Variants in TCF3 observed in about 807,000 individuals in gnomAD.
The protein encoded by TCF3 is transcription factor 3.
Under a neutral mutation model 72.3 loss-of-function variants are expected in TCF3, and 54 were observed. The observed-to-expected ratio is 0.75, with a 90% CI of 0.60 to 0.94. The LOEUF (loss-of-function observed/expected upper bound fraction) is 0.94. Among genes scored for constraint, TCF3 ranks in the 40% least tolerant of loss-of-function variants. The pLI is 0.00. For synonymous variants in TCF3, 525 were observed against 412.6 expected, an observed-to-expected ratio of 1.27 and a Z score of -3.30; for missense variants, 1,078 against 934.4, an observed-to-expected ratio of 1.15 and a Z score of -2.00.
At chr19:1,636,420 C>T (rs566771265) in intron 3 of TCF3, among the ~76,000 whole-genome samples, 3 of 152,268 alleles carry the variant, frequency 2.0e-5, no homozygotes, top group African/African-American at 7.2e-5. Context: ...CTCAGACTCC[C>T]AAAGTGCTGG....
chr19:1,615,365 T>C lies in TCF3; in HGVS notation c.1742A>G (p.Asn581Ser). The C allele has an allele frequency of 6.2e-7, 1 of 1,613,952 alleles. No individual in the cohort carries two copies. ...ELGRMCQLHL[N>S]SEKPQTKLLI... ...CAGTTTGGTCTGGGGCTTCTCGCTG[T>C]TGAGGTGCAGTTGGCACATGCGCCC... The change falls in exon 18 of 19, where the codon AAC (asparagine) becomes AGC (serine). Residue 581 changes from asparagine to serine, a missense_variant. Physicochemically the swap from Asn to Ser is conservative, Grantham distance 46 (BLOSUM62 1). Transcript: ENST00000262965. The surrounding 1 kb of genome is among the most constrained non-coding windows in gnomAD (Gnocchi z 7.3).
At chr19:1,637,290 G>A (rs531997392) in intron 3 of TCF3, among the ~76,000 whole-genome samples, 13 of 142,642 alleles carry the variant, frequency 9.1e-5, no homozygotes, top group African/African-American at 3.5e-4. Context: ...ACCAGAACCG[G>A]GGATGCCTGG....
chr19:1,639,751 G>GAAAA (rs10674333), intron 3 of TCF3, among the ~76,000 whole-genome samples: 5 of 54,180 alleles, frequency 9.2e-5, no homozygotes, highest in East Asian at 1.1e-3. Context: ...AGGAAATTAG[G>GAAAA]AAAAAAAAAA....
At position 1,616,070 on chromosome 19, in the gene TCF3, G is replaced by A. The variant is rs182832340; in HGVS notation, c.1451-249C>T. 5.3e-4 allele frequency among the ~76,000 whole-genome samples: 80 copies of A among 152,344 alleles called. No homozygotes were observed. The East Asian group carries it at 0.012, about 23-fold the overall frequency. Reference sequence around the variant, plus strand: ...TACCACCTTTGGAACAAAGTGTGTAGAAATTCTGCAGCAACTCAATGGCAG... The same window carrying A: ...TACCACCTTTGGAACAAAGTGTGTAAAAATTCTGCAGCAACTCAATGGCAG... On this transcript the variant is annotated intron_variant, in intron 16 of 18. Coordinates refer to ENST00000262965, the MANE Select transcript of TCF3 (RefSeq NM_003200.5).
At chr19:1,648,309 C>T (rs1050737040) in intron 2 of TCF3, among the ~76,000 whole-genome samples, 4 of 152,192 alleles carry the variant, frequency 2.6e-5, no homozygotes, top group East Asian at 3.9e-4. Context: ...TCTGCCTCCC[C>T]GTCCTGGCCA....
chr19:1,615,919 A>T lies in TCF3; in HGVS notation c.1451-98T>A. 1 of 1,415,710 alleles carries T rather than the reference A, an allele frequency of 7.1e-7. No homozygotes were observed. The allele number at this position is 1,415,710 out of a possible 1,614,324, so 87.7% of individuals were successfully genotyped here. On this transcript the variant is annotated intron_variant, in intron 16 of 18. Transcript: ENST00000262965. This position sits in a 1 kb window ranked among gnomAD's most constrained non-coding sequence, Gnocchi z 7.3. ...GGTGAGGGACTTGGGCTTTCCTGGA[A>T]AAACCAGGTCTTGGCCAAAAATAAA...
At position 1,631,876 on chromosome 19, in the gene TCF3, C is replaced by G. The variant is rs559287523; in HGVS notation, c.298+162G>C. 7 of 1,515,824 alleles carry G rather than the reference C, an allele frequency of 4.6e-6. No homozygotes were observed. The East Asian group carries it at 1.7e-4, about 37-fold the overall frequency. 93.9% of individuals were successfully genotyped at this position (1,515,824 alleles called of 1,614,324 possible). A position where few individuals can be genotyped will look rare whatever the true frequency, so the allele number is the denominator to read the frequency against. On this transcript the variant is annotated intron_variant, in intron 5 of 18. Transcript: ENST00000262965. ...GGGAGTCCGGGCCACGTCCCCTGCA[C>G]CTCCCCGCAGCTGCTCCCAGGACGG...
At chr19:1,643,649 G>T (rs907869270) in intron 3 of TCF3, among the ~76,000 whole-genome samples, 1 of 152,202 alleles carries the variant, frequency 6.6e-6, no homozygotes, top group Non-Finnish European at 1.5e-5. Flanking sequence ...CCAAAGTGCT[G>T]GGATTAAAGG....
intron 13 of TCF3, among the ~76,000 whole-genome samples, chr19:1,620,597 G>C (rs1343192277): frequency 6.6e-6 from 1 of 152,344 alleles, no homozygotes; most frequent in Admixed American, 6.5e-5. Context: ...TGAACTGCCA[G>C]GTCCTGCCTC....
In TCF3 at chr19:1,619,375, C is replaced by T. The variant is rs753007864; in HGVS notation, c.1267G>A (p.Gly423Arg). ...CCGGTGAAACCTGAGGCCAGCGCCC[C>T]GTGGCCAGGCAGCAGCGTGTGCATG... ...GDMHTLLPGH[G>R]ALASGFTGPM... is the part of the protein sequence containing the mutation. Residue 423 changes from glycine to arginine, a missense_variant, in exon 15 of 19, where the codon GGG (glycine) becomes AGG (arginine). Physicochemically the swap from Gly to Arg is moderately radical, Grantham distance 125. Coordinates refer to ENST00000262965, the MANE Select transcript of TCF3 (RefSeq NM_003200.5). 1.9e-5 allele frequency: 30 copies of T among 1,590,420 alleles called. No homozygotes were observed. The highest frequency in any genetic ancestry group is 8.0e-5 in the African/African-American group (6 of 74,676).
intron 14 of TCF3, 132 bp from the exon 15 acceptor site, chr19:1,619,606 C>A (rs948680662): frequency 1.5e-6 from 2 of 1,361,272 alleles, no homozygotes; most frequent in Non-Finnish European, 9.8e-7. Flanking sequence ...ATATGCCAGG[C>A]ATCTGGCGCC....
intron 18 of TCF3, among the ~76,000 whole-genome samples, chr19:1,613,605 G>A (rs1174061756): frequency 1.3e-5 from 2 of 152,164 alleles, no homozygotes; most frequent in African/African-American, 2.4e-5. Flanking sequence ...AGGCCTTGAA[G>A]ACACGGGCTC....
chr19:1,647,527 C>T (rs560740013), intron 2 of TCF3, among the ~76,000 whole-genome samples: 2 of 152,306 alleles, frequency 1.3e-5, no homozygotes, highest in East Asian at 3.9e-4. Context: ...CGCATTCTCA[C>T]CTGGCCCTGG....
At chr19:1,621,794 CCA>C (rs1276452693) in intron 11 of TCF3, 42 bp downstream of exon 11, 2 of 1,528,204 alleles carry the variant, frequency 1.3e-6, no homozygotes, top group Admixed American at 2.1e-5. Context: ...TGCCTGGAGC[CCA>C]GTGTCCCCTC....
rs372296344 is a variant in TCF3 at position 1,611,727 on chromosome 19, T to G, written c.1945A>C (p.Asn649His). Residue 649 changes from asparagine (N) to histidine (H), a missense_variant, in exon 19 of 19, where the codon AAC becomes CAC. Coordinates refer to ENST00000262965, the MANE Select transcript of TCF3 (RefSeq NM_003200.5). ...ACCTTTCACATGTGCCCGGCGGGGT[T>G]GTGGGCTTCGCTCAGGCCTGGGTGG... ...APHPGLSEAH[N>H]PAGHM 43 of 1,613,570 alleles carry G rather than the reference T, an allele frequency of 2.7e-5. No individual in the cohort carries two copies. In the African/African-American group the frequency reaches 4.3e-4, roughly 16 times the overall value.
At chr19:1,619,945 C>A in intron 13 of TCF3, 92 bp from the exon 14 acceptor site, 2 of 1,139,206 alleles carry the variant, frequency 1.8e-6, no homozygotes, top group Non-Finnish European at 1.3e-6. Context: ...ACCACCCCGC[C>A]TGTCCAGCCT....
chr19:1,645,795 T>C (rs925393016), intron 3 of TCF3, among the ~76,000 whole-genome samples: 1 of 152,154 alleles, frequency 6.6e-6, no homozygotes, highest in Admixed American at 6.5e-5. Flanking sequence ...GCCTGGGATG[T>C]TTCTGCTTTG....
intron 3 of TCF3, among the ~76,000 whole-genome samples, chr19:1,638,233 A>G (rs1205437451): frequency 9.8e-5 from 15 of 152,378 alleles, no homozygotes; most frequent in Non-Finnish European, 4.4e-5. Flanking sequence ...CCCTACAGAT[A>G]AGGAAACTGA....
chr19:1,627,430 C>G lies in TCF3; in HGVS notation c.299-4G>C, dbSNP rs2063022238. ...GCGCCCCGCTCACCGCTCTTGCCTG[C>G]AAGGGGAGAAGGAAGGTTAGTGGGA... On this transcript the variant is annotated splice_region_variant and splice_polypyrimidine_tract_variant and intron_variant, in intron 5 of 18. Coordinates refer to ENST00000262965, the MANE Select transcript of TCF3 (RefSeq NM_003200.5). 1 of 1,611,712 alleles carries G rather than the reference C, an allele frequency of 6.2e-7. No individual in the cohort carries two copies. Among genetic ancestry groups the G allele is most frequent in the African/African-American group, 1.3e-5 (1 of 74,922 alleles).
Sources: gnomAD v4.1 joint callset for allele counts (sites outside exome capture counted in the v4.1 genomes callset) on GRCh38, gnomAD v4.1.1 for gene constraint, Gnocchi (gnomAD v3.1) non-coding constraint, MANE v1.5 for transcripts, NCBI Gene and HGNC (gene_info 2026-07-23, HGNC 2026-07-21) for gene names.